Variants in ZC3H14 observed in about 807,000 individuals in gnomAD.
ZC3H14 encodes zinc finger CCCH-type containing 14.
A neutral mutation model predicts 92.4 loss-of-function variants in ZC3H14; 31 were observed. That is an observed-to-expected ratio of 0.34 (90% CI 0.25 to 0.45). The LOEUF (loss-of-function observed/expected upper bound fraction) is 0.45. Ranked by LOEUF, ZC3H14 falls within the 20% of genes least tolerant of loss-of-function variation. The pLI, the probability that ZC3H14 is intolerant of heterozygous loss-of-function variation, is 1.00. For missense variants in ZC3H14, 781 were observed against 897.3 expected (o/e 0.87, Z 1.66); for synonymous variants, 321 against 300.9 (o/e 1.07, Z -0.69).
intron 9 of ZC3H14, among the ~76,000 whole-genome samples, chr14:88,593,409 CT>C (rs1472332139): frequency 2.0e-5 from 3 of 152,090 alleles, no homozygotes; most frequent in Non-Finnish European, 2.9e-5. Context: ...TAAAAAGGGA[CT>C]GAGAATAGCC....
chr14:88,584,840 T>C (rs1326285915), intron 9 of ZC3H14, among the ~76,000 whole-genome samples: 1 of 152,048 alleles, frequency 6.6e-6, no homozygotes, highest in African/African-American at 2.4e-5. Flanking sequence ...AGAAAAGTCA[T>C]GACATTACAA....
intron 2 of ZC3H14, among the ~76,000 whole-genome samples, chr14:88,564,849 T>C (rs577102604): frequency 6.6e-6 from 1 of 152,356 alleles, no homozygotes; most frequent in Middle Eastern, 3.4e-3. Context: ...TGAAATACGA[T>C]TGTTCTGAGG....
At position 88,600,076 on chromosome 14, in the gene ZC3H14, T is replaced by C. The variant is rs540526157; in HGVS notation, c.1355-1848T>C. On this transcript the variant is annotated intron_variant, in intron 10 of 16. Coordinates refer to ENST00000251038, the MANE Select transcript of ZC3H14 (RefSeq NM_024824.5). ...TGAATTTTCTACTTCCTCTTAAACATGGGAGAGTCCCACAAAGACTTTAAA... is the reference window on the plus strand; with the variant it reads ...TGAATTTTCTACTTCCTCTTAAACACGGGAGAGTCCCACAAAGACTTTAAA... 7.9e-5 allele frequency among the ~76,000 whole-genome samples: 12 copies of C among 152,362 alleles called. No individual in the cohort carries two copies. In the South Asian group the frequency reaches 2.5e-3, roughly 32 times the overall value.
chr14:88,622,484 A>G lies in ZC3H14; in HGVS notation c.*10733A>G. ...CAGCAAAGACAGAGTAATGTTGGCAAGCAAATCCATCGTTATGCATTATTA... is the reference window on the plus strand; with the variant it reads ...CAGCAAAGACAGAGTAATGTTGGCAGGCAAATCCATCGTTATGCATTATTA... On this transcript the variant is annotated 3_prime_UTR_variant, in exon 17 of 17. Coordinates refer to ENST00000251038, the MANE Select transcript of ZC3H14 (RefSeq NM_024824.5). 1 of 766,184 alleles carries G rather than the reference A, an allele frequency of 1.3e-6. No individual in the cohort carries two copies. Among genetic ancestry groups the G allele is most frequent in the Non-Finnish European group, 1.9e-6 (1 of 527,204 alleles). The allele number at this position is 766,184 out of a possible 1,614,324, so 47.5% of individuals were successfully genotyped here. A position where few individuals can be genotyped will look rare whatever the true frequency, so the allele number is the denominator to read the frequency against.
intron 2 of ZC3H14, among the ~76,000 whole-genome samples, chr14:88,565,987 C>G (rs1252415408): frequency 8.0e-6 from 1 of 124,308 alleles, no homozygotes; most frequent in Non-Finnish European, 1.6e-5. Flanking sequence ...CCTGCCTCAG[C>G]TTCCCGAGTA....
chr14:88,563,252 G>T, intron 1 of ZC3H14, 83 bp downstream of exon 1: 1 of 1,550,410 alleles, frequency 6.4e-7, no homozygotes, highest in Non-Finnish European at 8.7e-7. Context: ...TGTGGGCCCG[G>T]GTGGACGCCG....
rs1420294758 is a variant in ZC3H14, at chr14:88,563,107, T to G, written c.-27T>G. Reference sequence around the variant, plus strand: ...TCCGGGTAAGCCAAGCGCCGCGCAGTGCTGAGTTCCCGCACGCCGCAGAGC... The same window carrying G: ...TCCGGGTAAGCCAAGCGCCGCGCAGGGCTGAGTTCCCGCACGCCGCAGAGC... On this transcript the variant is annotated 5_prime_UTR_variant, in exon 1 of 17. Transcript: ENST00000251038. 1.3e-6 allele frequency: 2 copies of G among 1,578,834 alleles called. No individual in the cohort carries two copies. The highest frequency in any genetic ancestry group is 1.7e-6 in the Non-Finnish European group (2 of 1,167,922).
rs1225873281 is a variant in ZC3H14 at position 88,596,775 on chromosome 14, C to A, written c.1321C>A (p.Pro441Thr). The A allele has an allele frequency of 6.2e-7, 1 of 1,614,002 alleles. No homozygotes were observed. The highest frequency in any genetic ancestry group is 8.5e-7 in the Non-Finnish European group (1 of 1,179,966). The change falls in exon 10 of 17, where the codon CCA (proline) becomes ACA (threonine). Residue 441 changes from proline to threonine, a missense_variant. By Grantham distance (38) the Pro-to-Thr change is conservative. Around this residue, in one of 3 missense-constraint regions of ZC3H14, gnomAD observed 454 missense variants for 438.5 expected, o/e 1.04. Transcript: ENST00000251038. ...ATTATTATCCCGACTGCAAATCGAC[C>A]CAGTAATGGCAGAAACTCTGCAGAT... Reference protein sequence around the residue: ...RQLLSRLQIDPVMAETLQMSQ... With the variant: ...RQLLSRLQIDTVMAETLQMSQ...
At chr14:88,563,372 C>A in intron 1 of ZC3H14, 1 of 1,442,434 alleles carries the variant, frequency 6.9e-7, no homozygotes, top group Non-Finnish European at 9.0e-7. Flanking sequence ...GCTGAAGTAG[C>A]CGCCGGGAAA....
intron 9 of ZC3H14, among the ~76,000 whole-genome samples, chr14:88,595,538 C>A (rs2083693546): frequency 6.6e-6 from 1 of 152,170 alleles, no homozygotes; most frequent in Non-Finnish European, 1.5e-5. Context: ...CACAGGAATG[C>A]AACTTGACCT....
intron 3 of ZC3H14, among the ~76,000 whole-genome samples, chr14:88,569,740 G>A (rs187931990): frequency 1.3e-5 from 2 of 152,178 alleles, no homozygotes; most frequent in African/African-American, 4.8e-5. Flanking sequence ...TATACCAAAG[G>A]TCGTCTTCAA....
rs745453465 is a variant in ZC3H14 at position 88,563,186 on chromosome 14, T to C, written c.36+17T>C. ...AAGATCCGGGTGAGGCCCGTGCCGGTCGGGGGTGGGAAGCCAGGTCTCGGC... is the reference window on the plus strand; with the variant it reads ...AAGATCCGGGTGAGGCCCGTGCCGGCCGGGGGTGGGAAGCCAGGTCTCGGC... On this transcript the variant is annotated intron_variant, in intron 1 of 16. Coordinates refer to ENST00000251038, the MANE Select transcript of ZC3H14 (RefSeq NM_024824.5). 1 of 1,596,324 alleles carries C rather than the reference T, an allele frequency of 6.3e-7. No homozygotes were observed. The highest frequency in any genetic ancestry group is 1.7e-5 in the Admixed American group (1 of 58,266).
chr14:88,601,077 T>G (rs778709773), intron 10 of ZC3H14, among the ~76,000 whole-genome samples: 1 of 152,196 alleles, frequency 6.6e-6, no homozygotes, highest in Admixed American at 6.5e-5. Context: ...TGGGCTGTTC[T>G]GTATTCTCAG....
At chr14:88,582,199 T>C (rs980045752) in intron 9 of ZC3H14, among the ~76,000 whole-genome samples, 2 of 152,254 alleles carry the variant, frequency 1.3e-5, no homozygotes, top group African/African-American at 4.8e-5. Context: ...ATTAGAGTTA[T>C]GCTTTTAAGA....
At chr14:88,573,135 C>T (rs2080668290) in intron 6 of ZC3H14, 128 bp downstream of exon 6, 1 of 1,076,130 alleles carries the variant, frequency 9.3e-7, no homozygotes, top group East Asian at 2.6e-5. Flanking sequence ...AATCCCAGGA[C>T]TTTGGGAGGC....
At chr14:88,566,601 A>G (rs893618826) in intron 2 of ZC3H14, among the ~76,000 whole-genome samples, 2 of 152,224 alleles carry the variant, frequency 1.3e-5, no homozygotes, top group African/African-American at 4.8e-5. Flanking sequence ...CTGCCTGCAT[A>G]GAAATATTAC....
intron 15 of ZC3H14, 142 bp downstream of exon 15, chr14:88,609,945 C>T (rs1466978126): frequency 1.1e-6 from 1 of 911,230 alleles, no homozygotes; most frequent in East Asian, 2.6e-5. Context: ...TTCCTCGTCA[C>T]TGAACCTCCA....
chr14:88,584,878 A>G (rs1314846260), intron 9 of ZC3H14, among the ~76,000 whole-genome samples: 2 of 152,200 alleles, frequency 1.3e-5, no homozygotes, highest in Non-Finnish European at 2.9e-5. Context: ...TGTACCAAAG[A>G]TACATGTTAC....
Position 88,621,206 on chromosome 14 carries a change from C to T in ZC3H14, c.*9455C>T. On this transcript the variant is annotated 3_prime_UTR_variant, in exon 17 of 17. Transcript: ENST00000251038. The stretch of plus-strand genomic sequence containing the variant: ...GATGTGTTGCTAGTCCCCAGATTGG[C>T]CCATCCACATGACCGTTAACTAAAA... The T allele has an allele frequency of 6.2e-7, 1 of 1,613,916 alleles. No individual in the cohort carries two copies. Among genetic ancestry groups the T allele is most frequent in the Non-Finnish European group, 8.5e-7 (1 of 1,179,860 alleles).
Sources: allele counts gnomAD v4.1 joint callset (sites outside exome capture counted in the v4.1 genomes callset), GRCh38; gene constraint gnomAD v4.1.1; regional missense constraint gnomAD v4.1.1; transcripts MANE v1.5; gene names NCBI Gene and HGNC (gene_info 2026-07-23, HGNC 2026-07-21).